Variants in MDFIC2 observed in about 807,000 individuals in gnomAD.
MDFIC2 encodes the protein MyoD family inhibitor domain containing 2.
intron 2 of MDFIC2, among the ~76,000 whole-genome samples, chr3:70,207,853 C>G (rs1174661220): frequency 1.3e-5 from 2 of 151,892 alleles, no homozygotes; most frequent in African/African-American, 4.8e-5. Flanking sequence ...GTCCTGGAAC[C>G]AGTTCCCCTC....
intron 2 of MDFIC2, among the ~76,000 whole-genome samples, chr3:70,210,556 T>C (rs971746990): frequency 6.6e-6 from 1 of 152,054 alleles, no homozygotes; most frequent in African/African-American, 2.4e-5. Flanking sequence ...TTATTCGACA[T>C]TGCACCCAAA....
At chr3:70,288,364 C>T (rs374847864) in intron 2 of MDFIC2, among the ~76,000 whole-genome samples, 110 of 133,042 alleles carry the variant, frequency 8.3e-4, no homozygotes, top group Non-Finnish European at 1.3e-3. Context: ...TGTAGTTGAG[C>T]GGTTTTGAGT....
intron 2 of MDFIC2, among the ~76,000 whole-genome samples, chr3:70,280,810 T>C (rs1255019795): frequency 6.6e-6 from 1 of 152,140 alleles, no homozygotes; most frequent in East Asian, 1.9e-4. Flanking sequence ...CTGTAGGTCA[T>C]GAAACACCCA....
At chr3:70,277,748 T>C (rs1215416068) in intron 2 of MDFIC2, among the ~76,000 whole-genome samples, 3 of 152,034 alleles carry the variant, frequency 2.0e-5, no homozygotes, top group Admixed American at 6.6e-5. Context: ...GGGAGGGGTG[T>C]GCTTGAGGAT....
chr3:70,287,269 G>A (rs1234881672), intron 2 of MDFIC2, among the ~76,000 whole-genome samples: 19,845 of 129,752 alleles, frequency 0.15, 1,456 homozygotes, highest in African/African-American at 0.2. Flanking sequence ...TAGCATGAAG[G>A]GTTGTTGAAT....
At chr3:70,296,834 T>C (rs925104832) in intron 2 of MDFIC2, among the ~76,000 whole-genome samples, 1 of 152,112 alleles carries the variant, frequency 6.6e-6, no homozygotes, top group South Asian at 2.1e-4. Context: ...GTGGTTTTTT[T>C]AAAAGGCATA....
intron 2 of MDFIC2, among the ~76,000 whole-genome samples, chr3:70,234,247 C>T (rs1701587934): frequency 6.6e-6 from 1 of 152,112 alleles, no homozygotes; most frequent in Non-Finnish European, 1.5e-5. Context: ...CTAAAAAATA[C>T]ATTTGTTTAT....
chr3:70,300,756 C>G (rs1227762733), intron 2 of MDFIC2, among the ~76,000 whole-genome samples: 1 of 152,026 alleles, frequency 6.6e-6, no homozygotes, highest in Non-Finnish European at 1.5e-5. Flanking sequence ...CCATACTTGG[C>G]TATTTGACCT....
chr3:70,199,441 C>T (rs1209120792), intron 3 of MDFIC2, among the ~76,000 whole-genome samples: 2 of 152,110 alleles, frequency 1.3e-5, no homozygotes, highest in Non-Finnish European at 2.9e-5. Context: ...TTCTACCTCC[C>T]TATTTTGCAC....
intron 2 of MDFIC2, among the ~76,000 whole-genome samples, chr3:70,240,146 A>T (rs1358561759): frequency 6.6e-6 from 1 of 152,120 alleles, no homozygotes; most frequent in Non-Finnish European, 1.5e-5. Context: ...TTAAAATAAG[A>T]GACGTATTTT....
At chr3:70,289,140 G>A (rs1447986429) in intron 2 of MDFIC2, among the ~76,000 whole-genome samples, 1 of 151,324 alleles carries the variant, frequency 6.6e-6, no homozygotes, top group African/African-American at 2.4e-5. Flanking sequence ...AGTTGATGCA[G>A]TTTCTTCCTA....
chr3:70,230,677 C>A (rs1192547723), intron 2 of MDFIC2, among the ~76,000 whole-genome samples: 1 of 152,092 alleles, frequency 6.6e-6, no homozygotes, highest in Non-Finnish European at 1.5e-5. Flanking sequence ...ATTTGATAAT[C>A]AATTCTAGGT....
chr3:70,258,245 T>C (rs114123343), intron 2 of MDFIC2, among the ~76,000 whole-genome samples: 169 of 152,270 alleles, frequency 1.1e-3, no homozygotes, highest in African/African-American at 3.9e-3. Flanking sequence ...AACAATTTCT[T>C]AGATCAGACA....
intron 2 of MDFIC2, among the ~76,000 whole-genome samples, chr3:70,212,253 A>G (rs765898221): frequency 1.1e-4 from 17 of 152,136 alleles, no homozygotes; most frequent in Non-Finnish European, 2.5e-4. Context: ...AGTAATCACA[A>G]ATTACAGCTT....
intron 2 of MDFIC2, among the ~76,000 whole-genome samples, chr3:70,250,421 A>G (rs1351732698): frequency 4.0e-5 from 2 of 49,954 alleles, no homozygotes; most frequent in Non-Finnish European, 1.5e-4. Flanking sequence ...TCACACACAC[A>G]CACACACACA....
intron 2 of MDFIC2, among the ~76,000 whole-genome samples, chr3:70,290,086 T>C (rs1252294574): frequency 5.3e-5 from 8 of 152,234 alleles, no homozygotes; most frequent in Non-Finnish European, 8.8e-5. Context: ...CATCCAGCTT[T>C]GTTCCGTTGC....
At position 70,272,708 on chromosome 3, in the gene MDFIC2, A is replaced by G. The variant is rs550820452; in HGVS notation, c.88+39178T>C. ...CAATTTGAATTTTGATTTTAGATAG[A>G]GTACATTGCATTGCTGGAATGTACA... On this transcript the variant is annotated intron_variant, in intron 2 of 3. Transcript: ENST00000567252. Among the ~76,000 whole-genome samples the G allele has an allele frequency of 7.9e-5, 12 of 152,350 alleles. No homozygotes were observed. In the South Asian group the frequency reaches 2.5e-3, roughly 32 times the overall value.
intron 2 of MDFIC2, among the ~76,000 whole-genome samples, chr3:70,211,579 C>T (rs866465068): frequency 1.7e-5 from 1 of 58,212 alleles, no homozygotes; most frequent in East Asian, 6.5e-4. Context: ...CTTCCCTTCC[C>T]TTCCTTTCCC....
At chr3:70,199,073 A>G (rs1294731432) in intron 3 of MDFIC2, among the ~76,000 whole-genome samples, 1 of 152,212 alleles carries the variant, frequency 6.6e-6, no homozygotes, top group Non-Finnish European at 1.5e-5. Flanking sequence ...GTGATCCCTC[A>G]GGCTGAATGC....
Sources: allele counts gnomAD v4.1 joint callset (sites outside exome capture counted in the v4.1 genomes callset), GRCh38; gene constraint gnomAD v4.1.1; transcripts MANE v1.5; gene names NCBI Gene and HGNC (gene_info 2026-07-23, HGNC 2026-07-21).